OTUD4: variants seen among roughly 807,000 people sequenced by gnomAD.
The protein encoded by OTUD4 is OTU deubiquitinase 4.
Under a neutral mutation model 130.4 loss-of-function variants are expected in OTUD4, and 24 were observed. The ratio of observed to expected loss-of-function variants is 0.18; its 90% CI spans 0.13 to 0.26. OTUD4 has a LOEUF of 0.26. OTUD4 is among the 10% of genes least tolerant of loss of function. The pLI, the probability that OTUD4 is intolerant of heterozygous loss-of-function variation, is 1.00. For synonymous variants in OTUD4, 420 were observed against 472.5 expected (o/e 0.89, Z 1.44); for missense variants, 1,031 against 1,329.4 (o/e 0.78, Z 3.49).
intron 14 of OTUD4, among the ~76,000 whole-genome samples, chr4:145,145,156 A>G (rs752488381): frequency 5.9e-5 from 9 of 152,332 alleles, no homozygotes; most frequent in Non-Finnish European, 1.2e-4. Context: ...CTGTACCCAC[A>G]TTACAGTAGT....
At chr4:145,172,694 T>C (rs978152702) in intron 2 of OTUD4, among the ~76,000 whole-genome samples, 1 of 152,146 alleles carries the variant, frequency 6.6e-6, no homozygotes, top group African/African-American at 2.4e-5. Flanking sequence ...GATTTTAAGA[T>C]TGAGATTCTT....
intron 7 of OTUD4, among the ~76,000 whole-genome samples, chr4:145,157,016 A>T (rs1467615634): frequency 6.6e-6 from 1 of 152,208 alleles, no homozygotes; most frequent in African/African-American, 2.4e-5. Context: ...ATATGTGCAG[A>T]TTGTGGTATA....
At chr4:145,154,209 A>G (rs1020878666) in intron 10 of OTUD4, among the ~76,000 whole-genome samples, 6 of 152,218 alleles carry the variant, frequency 3.9e-5, no homozygotes, top group Admixed American at 1.3e-4. Context: ...TTCTCTTTCA[A>G]GTTTTCCCAA....
Position 145,138,519 on chromosome 4 carries a change from A to C in OTUD4, c.2256T>G (p.Ala752=). ...AATCACTTTCATTCTGAGCAGCAGG[A>C]GCCTCTTGGAACCAGGGATTATGAG... ...VYPHNPWFQE[A]PAAQNESDCT... Residue 752 remains alanine (A), a synonymous_variant, in exon 21 of 21, where the codon GCT becomes GCG. Transcript: ENST00000447906. 2 of 1,614,176 alleles carry C rather than the reference A, an allele frequency of 1.2e-6. No homozygotes were observed. The highest frequency in any genetic ancestry group is 1.7e-6 in the Non-Finnish European group (2 of 1,180,034).
At chr4:145,176,647 C>T (rs1050779399) in intron 1 of OTUD4, among the ~76,000 whole-genome samples, 1 of 151,912 alleles carries the variant, frequency 6.6e-6, no homozygotes. Context: ...TGCAGTGAGC[C>T]GAGATCGTGC....
In OTUD4 at chr4:145,143,448, T is replaced by G. The variant is rs1750657591; in HGVS notation, c.1603-3A>C. ...GCATATTTATCATCAGTAATATTCT[T>G]TGGAAGCAAAAAAGAAGCAAAGTTT... On this transcript the variant is annotated splice_polypyrimidine_tract_variant and splice_region_variant and intron_variant, in intron 16 of 20. Transcript: ENST00000447906. 1 of 1,593,538 alleles carries G rather than the reference T, an allele frequency of 6.3e-7. No individual in the cohort carries two copies. Among genetic ancestry groups the G allele is most frequent in the African/African-American group, 1.3e-5 (1 of 74,284 alleles).
At chr4:145,145,224 C>A (rs1449942723) in intron 14 of OTUD4, among the ~76,000 whole-genome samples, 3 of 152,174 alleles carry the variant, frequency 2.0e-5, no homozygotes, top group Non-Finnish European at 1.5e-5. Context: ...CAAGCTTAAA[C>A]AATTTGTAGT....
At chr4:145,175,189 T>C (rs903761810) in intron 1 of OTUD4, among the ~76,000 whole-genome samples, 5 of 152,360 alleles carry the variant, frequency 3.3e-5, no homozygotes, top group Middle Eastern at 3.4e-3. Flanking sequence ...GAGGCCGATT[T>C]ATTTTTCCCA....
intron 17 of OTUD4, among the ~76,000 whole-genome samples, chr4:145,142,586 C>T (rs1461769813): frequency 6.6e-6 from 1 of 152,216 alleles, no homozygotes; most frequent in African/African-American, 2.4e-5. Context: ...GGGTTTCACC[C>T]TGTTGCCCAG....
Position 145,180,427 on chromosome 4 carries a change from G to T in OTUD4, c.-454C>A, listed in dbSNP as rs984096436. ...GCCTGCGCCCCCGCGCACTCCCCAC[G>T]CCGGGAGCCGAGGAAACCAAAAAGA... is the stretch of plus-strand genomic sequence containing the variant. On this transcript the variant is annotated 5_prime_UTR_variant, in exon 1 of 21. Transcript: ENST00000447906. Among the ~76,000 whole-genome samples, 1 of 152,316 alleles carries T rather than the reference G, an allele frequency of 6.6e-6. No individual in the cohort carries two copies. Among genetic ancestry groups the T allele is most frequent in the Admixed American group, 6.5e-5 (1 of 15,312 alleles).
chr4:145,157,002 T>C (rs910229895), intron 7 of OTUD4, among the ~76,000 whole-genome samples: 1 of 152,170 alleles, frequency 6.6e-6, no homozygotes, highest in South Asian at 2.1e-4. Flanking sequence ...GTGGTAGGAC[T>C]TGAATATGTG....
Position 145,143,996 on chromosome 4 carries a change from T to C in OTUD4, c.1552A>G (p.Ile518Val), listed in dbSNP as rs1289642913. Residue 518 changes from isoleucine (I) to valine (V), a missense_variant, in exon 16 of 21, where the codon ATT (isoleucine) becomes GTT (valine). Ile to Val is a conservative substitution (Grantham distance 29). Coordinates refer to ENST00000447906, the MANE Select transcript of OTUD4 (RefSeq NM_001366057.1). ...DTEERKDKDS[I>V]HGHSQLDKRP... ...TTATCCAACTGACTATGTCCATGAA[T>C]AGAGTCTATAGCAGATCAAGATTAA... The C allele has an allele frequency of 2.5e-6, 4 of 1,611,376 alleles. No individual in the cohort carries two copies. In the East Asian group the frequency reaches 6.7e-5, roughly 27 times the overall value.
rs1750820016 is a variant in OTUD4 at position 145,146,286 on chromosome 4, T to C, written c.1403A>G (p.Gln468Arg). 6.4e-7 allele frequency: 1 copy of C among 1,560,438 alleles called. No homozygotes were observed. Among genetic ancestry groups the C allele is most frequent in the Non-Finnish European group, 8.6e-7 (1 of 1,159,024 alleles). Reference sequence around the variant, plus strand: ...ACATACGGAAAGGGCTGGGAAAGCCTGTTCATCTCTGTTCTGAATCTCATA... The same window carrying C: ...ACATACGGAAAGGGCTGGGAAAGCCCGTTCATCTCTGTTCTGAATCTCATA... Reference protein sequence around the residue: ...LLYEIQNRDEQAFPALSSSSV... With the variant: ...LLYEIQNRDERAFPALSSSSV... The change falls in exon 14 of 21, where the codon CAG becomes CGG. Residue 468 changes from glutamine (Q) to arginine (R), a missense_variant. By Grantham distance (43) the Gln-to-Arg change is conservative. Around this residue, in one of 3 missense-constraint regions of OTUD4, gnomAD observed 900 missense variants for 1,095.9 expected, o/e 0.82. Coordinates refer to ENST00000447906, the MANE Select transcript of OTUD4 (RefSeq NM_001366057.1).
intron 2 of OTUD4, among the ~76,000 whole-genome samples, chr4:145,173,053 CTT>C (rs764539568): frequency 3.3e-5 from 5 of 152,308 alleles, no homozygotes; most frequent in Non-Finnish European, 7.4e-5. Flanking sequence ...GAAAGTGAAA[CTT>C]TTCCCCATGG....
In OTUD4 at chr4:145,138,618, A is replaced by G. The variant is rs1396406777; in HGVS notation, c.2157T>C (p.Ser719=). 6.2e-7 allele frequency: 1 copy of G among 1,612,930 alleles called. No homozygotes were observed. The highest frequency in any genetic ancestry group is 2.2e-5 in the East Asian group (1 of 44,896). The part of the protein sequence containing the change: ...AYSCPMWAPH[S]YLYPLHQAYL... Reference sequence around the variant, plus strand: ...AGGCCTGGTGCAGAGGGTACAGGTAAGAATGTGGGGCCCACATAGGACAAC... The same window carrying G: ...AGGCCTGGTGCAGAGGGTACAGGTAGGAATGTGGGGCCCACATAGGACAAC... The change falls in exon 21 of 21, where the codon TCT becomes TCC. Residue 719 remains serine, a synonymous_variant. Coordinates refer to ENST00000447906, the MANE Select transcript of OTUD4 (RefSeq NM_001366057.1).
intron 3 of OTUD4, among the ~76,000 whole-genome samples, chr4:145,170,316 T>G (rs1045469219): frequency 1.3e-5 from 2 of 152,212 alleles, no homozygotes; most frequent in Non-Finnish European, 2.9e-5. Context: ...CAACCTGCCT[T>G]CCAACTCCTT....
intron 1 of OTUD4, 91 bp from the exon 2 acceptor site, chr4:145,174,835 C>T: frequency 1.4e-6 from 1 of 705,060 alleles, no homozygotes; most frequent in East Asian, 2.7e-5. Flanking sequence ...AATCTGACAA[C>T]CAATAGATTA....
At position 145,179,691 on chromosome 4, in the gene OTUD4, G is replaced by C. The variant is rs1019456494; in HGVS notation, c.159+124C>G. 32 of 1,405,200 alleles carry C rather than the reference G, an allele frequency of 2.3e-5. No homozygotes were observed. The East Asian group carries it at 4.0e-4, about 18-fold the overall frequency. 87.0% of individuals were successfully genotyped at this position (1,405,200 alleles called of 1,614,324 possible). ...CGGCGTTACAATGGGGCGCTGTGAC[G>C]ACAGCCAGGGCACGCGCAGCCCCGG... is the stretch of plus-strand genomic sequence containing the variant. On this transcript the variant is annotated intron_variant, in intron 1 of 20. Transcript: ENST00000447906.
chr4:145,150,395 AAT>A (rs1751012540), intron 13 of OTUD4, 116 bp downstream of exon 13: 1 of 637,622 alleles, frequency 1.6e-6, no homozygotes, highest in Non-Finnish European at 2.7e-6. Context: ...TCTTAATACT[AAT>A]ATAGGGACAA....
Sources: gnomAD v4.1 joint callset for allele counts (sites outside exome capture counted in the v4.1 genomes callset) on GRCh38, gnomAD v4.1.1 for gene constraint, gnomAD v4.1.1 regional missense constraint, MANE v1.5 for transcripts, NCBI Gene and HGNC (gene_info 2026-07-23, HGNC 2026-07-21) for gene names.